The following B3GALNT2 variants were observed in gnomAD, a reference collection of about 807,000 sequenced individuals.
The protein encoded by B3GALNT2 is UDP-GalNAc:beta-1,3-N-acetylgalactosaminyltransferase 2.
A neutral mutation model predicts 61.1 loss-of-function variants in B3GALNT2; 53 were observed. The ratio of observed to expected loss-of-function variants is 0.87; its 90% CI spans 0.70 to 1.09. The LOEUF (loss-of-function observed/expected upper bound fraction) is 1.09. Among genes scored for constraint, B3GALNT2 ranks in the 50% least tolerant of loss-of-function variants. B3GALNT2 has a pLI of 0.00. For synonymous variants in B3GALNT2, 223 were observed against 237.4 expected (o/e 0.94, Z 0.56); for missense variants, 544 against 623.0 (o/e 0.87, Z 1.35).
At chr1:235,468,089 T>G (rs1683801618) in intron 6 of B3GALNT2, among the ~76,000 whole-genome samples, 1 of 152,178 alleles carries the variant, frequency 6.6e-6, no homozygotes, top group African/African-American at 2.4e-5. Context: ...CTATGCTTTA[T>G]TTTTTATTGT....
intron 5 of B3GALNT2, among the ~76,000 whole-genome samples, chr1:235,471,322 T>G (rs1300798812): frequency 1.3e-5 from 2 of 152,200 alleles, no homozygotes; most frequent in African/African-American, 4.8e-5. Flanking sequence ...TTTCCCCTAC[T>G]ATTAGACATT....
At chr1:235,455,785 A>G (rs1011204582) in intron 8 of B3GALNT2, 101 bp from the exon 9 acceptor site, 1 of 1,348,796 alleles carries the variant, frequency 7.4e-7, no homozygotes, top group Non-Finnish European at 1.0e-6. Context: ...ACCTGTCATT[A>G]TCTAAATTTC....
At chr1:235,478,300 C>T (rs544412076) in intron 5 of B3GALNT2, among the ~76,000 whole-genome samples, 1 of 152,316 alleles carries the variant, frequency 6.6e-6, no homozygotes, top group African/African-American at 2.4e-5. Flanking sequence ...ATCCACCCGC[C>T]TTGGCCTCCC....
At chr1:235,460,185 C>G (rs1012233096) in intron 7 of B3GALNT2, among the ~76,000 whole-genome samples, 2 of 152,052 alleles carry the variant, frequency 1.3e-5, no homozygotes, top group Non-Finnish European at 2.9e-5. Flanking sequence ...ACGATCTCAG[C>G]TCACTGTAAT....
At chr1:235,474,987 A>ATATATATATATTT (rs1180244284) in intron 5 of B3GALNT2, among the ~76,000 whole-genome samples, 1 of 35,574 alleles carries the variant, frequency 2.8e-5, no homozygotes, top group East Asian at 8.9e-4. Context: ...ATATATATAT[A>ATATATATATATTT]TTTTTTTTTT....
intron 4 of B3GALNT2, 31 bp from the exon 5 acceptor site, chr1:235,480,180 A>G: frequency 6.2e-7 from 1 of 1,611,762 alleles, no homozygotes; most frequent in Non-Finnish European, 8.5e-7. Context: ...ACAAGAAAAA[A>G]TACTTCATGT....
At chr1:235,456,259 T>C (rs1683167491) in intron 8 of B3GALNT2, among the ~76,000 whole-genome samples, 1 of 152,236 alleles carries the variant, frequency 6.6e-6, no homozygotes, top group South Asian at 2.1e-4. Context: ...AGGCAAAGGA[T>C]AGTGACTTCA....
intron 1 of B3GALNT2, among the ~76,000 whole-genome samples, chr1:235,502,163 C>T (rs1014604626): frequency 8.5e-5 from 13 of 152,204 alleles, no homozygotes; most frequent in African/African-American, 3.1e-4. Flanking sequence ...CAGGCATGCA[C>T]CACTATGCCC....
chr1:235,494,386 C>G lies in B3GALNT2; in HGVS notation c.260+295G>C, dbSNP rs531191390. Among the ~76,000 whole-genome samples, 3 of 152,150 alleles carry G rather than the reference C, an allele frequency of 2.0e-5. No individual in the cohort carries two copies. In the South Asian group the frequency reaches 6.2e-4, roughly 32 times the overall value. On this transcript the variant is annotated intron_variant, in intron 2 of 11. Transcript: ENST00000366600. ...CTATATGGAAGAAAAGCAAATGAAA[C>G]AGCCATTTCTCCCAGGAAGAGCCCA...
At chr1:235,487,627 C>A (rs1684864316) in intron 3 of B3GALNT2, among the ~76,000 whole-genome samples, 1 of 152,088 alleles carries the variant, frequency 6.6e-6, no homozygotes, top group Non-Finnish European at 1.5e-5. Context: ...TACCAGAAGT[C>A]CTAATCAGCA....
intron 5 of B3GALNT2, chr1:235,479,412 G>A (rs1275731887): frequency 1.3e-5 from 2 of 152,248 alleles, no homozygotes; most frequent in East Asian, 1.9e-4. Flanking sequence ...TGAAGCTGAT[G>A]AATGAATAAT....
chr1:235,496,936 T>C (rs927253546), intron 1 of B3GALNT2, among the ~76,000 whole-genome samples: 3 of 152,214 alleles, frequency 2.0e-5, no homozygotes, highest in Admixed American at 1.3e-4. Context: ...TCCCAGGCAA[T>C]CTAACACCAT....
At chr1:235,489,367 T>G in intron 2 of B3GALNT2, 99 bp from the exon 3 acceptor site, 2 of 1,532,174 alleles carry the variant, frequency 1.3e-6, no homozygotes, top group Non-Finnish European at 1.8e-6. Flanking sequence ...GAGACACAAG[T>G]GTTTATGAGG....
At chr1:235,466,994 G>A (rs1332688643) in intron 6 of B3GALNT2, among the ~76,000 whole-genome samples, 1 of 152,156 alleles carries the variant, frequency 6.6e-6, no homozygotes, top group Non-Finnish European at 1.5e-5. Context: ...ACAAAGCAAT[G>A]TTTTAAGGCC....
At chr1:235,443,033 A>G (rs1682001040), downstream of B3GALNT2, 1 of 960,652 alleles carries the variant, frequency 1.0e-6, no homozygotes, top group Non-Finnish European at 1.6e-6. Flanking sequence ...ACAGGTTTTC[A>G]TTAGTCTTTT....
rs1346136110 is a variant in B3GALNT2 at position 235,468,317 on chromosome 1, C to G, written c.762+2533G>C. On this transcript the variant is annotated intron_variant, in intron 6 of 11. Coordinates refer to ENST00000366600, the MANE Select transcript of B3GALNT2 (RefSeq NM_152490.5). ...CTTAGCGTAGGCTTTAAAAAGTTACCTGGTTTTGTTTTTGTTTTTTTAGGT... is the reference window on the plus strand; with the variant it reads ...CTTAGCGTAGGCTTTAAAAAGTTACGTGGTTTTGTTTTTGTTTTTTTAGGT... Among the ~76,000 whole-genome samples, 15 of 152,210 alleles carry G rather than the reference C, an allele frequency of 9.9e-5. No homozygotes were observed. The South Asian group carries it at 3.1e-3, about 32-fold the overall frequency.
At chr1:235,442,520 C>T (rs900428675), downstream of B3GALNT2, among the ~76,000 whole-genome samples, 3 of 152,170 alleles carry the variant, frequency 2.0e-5, no homozygotes, top group Non-Finnish European at 4.4e-5. Context: ...ATTTTTGTAA[C>T]TCCTATGTTT....
In B3GALNT2 at chr1:235,449,353, CAT is replaced by C. The variant is rs990057038; in HGVS notation, c.*851_*852del. 2.7e-4 allele frequency: 42 copies of C among 154,546 alleles called. No homozygotes were observed. Among genetic ancestry groups the C allele is most frequent in the Admixed American group, 7.0e-4 (11 of 15,722 alleles). 9.6% of individuals were successfully genotyped at this position (154,546 alleles called of 1,614,324 possible). ...TAACCAGCTTTGATTGAAATGTACT[CAT>C]ATTAGGTAAACATTAGGCAATGATA... On this transcript the variant is annotated 3_prime_UTR_variant, in exon 12 of 12. Transcript: ENST00000366600.
chr1:235,441,813 G>C, the B3GALNT2 span: 2 of 1,613,830 alleles, frequency 1.2e-6, no homozygotes. Context: ...TTCTTAAACA[G>C]AATATGGTGC....
Sources: gnomAD v4.1 joint callset for allele counts (sites outside exome capture counted in the v4.1 genomes callset) on GRCh38, gnomAD v4.1.1 for gene constraint, MANE v1.5 for transcripts, NCBI Gene and HGNC (gene_info 2026-07-23, HGNC 2026-07-21) for gene names.